Variants in DOCK7 observed in about 807,000 individuals in gnomAD.
The protein encoded by DOCK7 is dedicator of cytokinesis 7.
Under a neutral mutation model 271.0 loss-of-function variants are expected in DOCK7, and 138 were observed. That is an observed-to-expected ratio of 0.51 (90% CI 0.44 to 0.59). The LOEUF (loss-of-function observed/expected upper bound fraction) is 0.59, where lower values mean the gene tolerates loss of function less well. Among genes scored for constraint, DOCK7 ranks in the 20% least tolerant of loss-of-function variants. The probability of loss-of-function intolerance (pLI) is 0.00; values close to 1 mark genes in which losing one functional copy is unlikely to be tolerated. For missense variants in DOCK7, 2,066 were observed against 2,592.4 expected (o/e 0.80, Z 4.41); for synonymous variants, 823 against 876.1 (o/e 0.94, Z 1.07).
intron 1 of DOCK7, among the ~76,000 whole-genome samples, chr1:62,667,863 C>A (rs1348377870): frequency 1.3e-5 from 2 of 151,726 alleles, no homozygotes; most frequent in Non-Finnish European, 2.9e-5. Flanking sequence ...ACGAAAAATA[C>A]AAAAAAATTA....
intron 49 of DOCK7, 107 bp from the exon 50 acceptor site, chr1:62,455,563 C>T: frequency 3.9e-6 from 4 of 1,015,332 alleles, no homozygotes; most frequent in Non-Finnish European, 3.0e-6. Flanking sequence ...AGTTTTGCCA[C>T]CATTTCTTAC....
chr1:62,484,400 T>C (rs1159090766), intron 43 of DOCK7: 1 of 152,206 alleles, frequency 6.6e-6, no homozygotes, highest in East Asian at 1.9e-4. Context: ...ATGTTATCAC[T>C]GGGGATTGAT....
At position 62,526,806 on chromosome 1, in the gene DOCK7, G is replaced by C. The variant is rs187450547; in HGVS notation, c.3936+1345C>G. Among the ~76,000 whole-genome samples, 47 of 152,270 alleles carry C rather than the reference G, an allele frequency of 3.1e-4. 1 individual carries two copies. Among genetic ancestry groups the C allele is most frequent in the Non-Finnish European group, 5.1e-4 (35 of 68,014 alleles). On this transcript the variant is annotated intron_variant, in intron 31 of 49. Transcript: ENST00000635253. The stretch of plus-strand genomic sequence containing the variant: ...TGAACCTCAAAAACTTATGCTTAGT[G>C]AAAGAATACAAACACAAAAGATCAT...
At chr1:62,685,707 C>T (rs2149787582) in intron 1 of DOCK7, among the ~76,000 whole-genome samples, 1 of 152,310 alleles carries the variant, frequency 6.6e-6, no homozygotes, top group East Asian at 1.9e-4. Flanking sequence ...ATCATCATCT[C>T]CATCCCACTT....
intron 43 of DOCK7, 99 bp downstream of exon 43, chr1:62,487,299 C>A: frequency 8.5e-7 from 1 of 1,182,352 alleles, no homozygotes; most frequent in Non-Finnish European, 1.2e-6. Flanking sequence ...CAGATAGCAA[C>A]AGAATGCCCA....
intron 41 of DOCK7, chr1:62,492,287 A>C (rs1646489721): frequency 6.5e-6 from 1 of 155,030 alleles, no homozygotes; most frequent in Admixed American, 6.5e-5. Flanking sequence ...AATAAAAAAC[A>C]ATTTTTTTTT....
At position 62,559,952 on chromosome 1, in the gene DOCK7, C is replaced by T. The variant is rs138833479; in HGVS notation, c.2200-732G>A. ...GTACATGTTAGGCAAAGGGTGCCTA[C>T]GTGACAAGTAAAAACCCTGGGAATT... On this transcript the variant is annotated intron_variant, in intron 19 of 49. Coordinates refer to ENST00000635253, the MANE Select transcript of DOCK7 (RefSeq NM_001367561.1). Among the ~76,000 whole-genome samples the T allele has an allele frequency of 3.9e-3, 591 of 152,196 alleles. 7 individuals carry two copies. Among genetic ancestry groups the T allele is most frequent in the African/African-American group, 0.013 (534 of 41,522 alleles).
intron 14 of DOCK7, chr1:62,597,920 T>C (rs761064945): frequency 6.4e-7 from 1 of 1,553,914 alleles, no homozygotes; most frequent in Non-Finnish European, 8.6e-7. Context: ...ATATGTCACT[T>C]GAACTCAACT....
At chr1:62,512,275 C>CA (rs1238849983) in intron 33 of DOCK7, among the ~76,000 whole-genome samples, 1 of 152,158 alleles carries the variant, frequency 6.6e-6, no homozygotes, top group Non-Finnish European at 1.5e-5. Context: ...CACAGATGAC[C>CA]AACCCATGGC....
Position 62,554,447 on chromosome 1 carries a change from G to C in DOCK7, c.2596+1378C>G, listed in dbSNP as rs941040863. ...ATATTGCGCCATTGCACTCCAGCCT[G>C]GGCAACAGAGTGAGACTCCATCTCA... is the stretch of plus-strand genomic sequence containing the variant. On this transcript the variant is annotated intron_variant, in intron 21 of 49. Transcript: ENST00000635253. Among the ~76,000 whole-genome samples the C allele has an allele frequency of 6.4e-5, 8 of 124,062 alleles. No individual in the cohort carries two copies. In the Admixed American group the frequency reaches 8.3e-4, roughly 13 times the overall value. 81.4% of individuals were successfully genotyped at this position (124,062 alleles called of 152,430 possible).
At chr1:62,618,946 T>A in intron 13 of DOCK7, 78 bp from the exon 14 acceptor site, 2 of 1,361,548 alleles carry the variant, frequency 1.5e-6, no homozygotes, top group Non-Finnish European at 1.0e-6. Context: ...AGGACTTGGA[T>A]CCTATTTTTG....
rs1376126068 is a variant in DOCK7 at position 62,636,526 on chromosome 1, TATA to T, written c.885+8_885+10del. 1 of 1,582,930 alleles carries T rather than the reference TATA, an allele frequency of 6.3e-7. No individual in the cohort carries two copies. Among genetic ancestry groups the T allele is most frequent in the Non-Finnish European group, 8.6e-7 (1 of 1,160,324 alleles). On this transcript the variant is annotated splice_region_variant and intron_variant, in intron 8 of 49. Transcript: ENST00000635253. ...ATGACAAATAACTATGGTCAAATTA[TATA>T]ATCTTACCTTTTTCTTTTCCTTGAC...
intron 14 of DOCK7, among the ~76,000 whole-genome samples, chr1:62,589,815 G>A (rs1044866826): frequency 6.6e-6 from 1 of 150,800 alleles, no homozygotes; most frequent in Admixed American, 6.6e-5. Context: ...CCGGTAGGCG[G>A]AGCTTGCAGT....
Position 62,688,296 on chromosome 1 carries a change from G to A in DOCK7, c.-32C>T, listed in dbSNP as rs1557915620. 2 of 1,231,464 alleles carry A rather than the reference G, an allele frequency of 1.6e-6. No individual in the cohort carries two copies. Among genetic ancestry groups the A allele is most frequent in the Non-Finnish European group, 1.0e-6 (1 of 982,774 alleles). The allele number at this position is 1,231,464 out of a possible 1,614,324, so 76.3% of individuals were successfully genotyped here. A position where few individuals can be genotyped will look rare whatever the true frequency, so the allele number is the denominator to read the frequency against. On this transcript the variant is annotated 5_prime_UTR_variant, in exon 1 of 50. Coordinates refer to ENST00000635253, the MANE Select transcript of DOCK7 (RefSeq NM_001367561.1). ...TGCGGCGACGGCGACGGCGGCGGCG[G>A]CTGCGGCGGGCCGGGTGCGGACCGG... is the stretch of plus-strand genomic sequence containing the variant.
chr1:62,561,786 TGA>T (rs906501897), intron 18 of DOCK7, 83 bp from the exon 19 acceptor site: 17 of 720,924 alleles, frequency 2.4e-5, no homozygotes, highest in Middle Eastern at 5.5e-4. Context: ...AATATCCCAA[TGA>T]GAAAAATATT....
intron 22 of DOCK7, among the ~76,000 whole-genome samples, chr1:62,551,902 C>T (rs1645919945): frequency 6.6e-6 from 1 of 151,396 alleles, no homozygotes; most frequent in African/African-American, 2.4e-5. Flanking sequence ...TGTTCTAAAT[C>T]TTGAGTTTAT....
In DOCK7 at chr1:62,543,701, C is replaced by G. The variant is rs370940626; in HGVS notation, c.2904G>C (p.Thr968=). The change falls in exon 24 of 50, where the codon ACG becomes ACC. Residue 968 remains threonine (T), a synonymous_variant. Coordinates refer to ENST00000635253, the MANE Select transcript of DOCK7 (RefSeq NM_001367561.1). ...CCGTTAATGTTTGTAAGAAACTTGA[C>G]GTCTCTGTGTGCGAAGACATACGAT... ...SCNRMSSHTE[T]SSFLQTLTGR... 6.2e-7 allele frequency: 1 copy of G among 1,604,476 alleles called. No homozygotes were observed. The highest frequency in any genetic ancestry group is 1.3e-5 in the African/African-American group (1 of 74,900).
chr1:62,496,296 C>G (rs80077895), intron 38 of DOCK7, 43 bp downstream of exon 38: 1 of 1,588,692 alleles, frequency 6.3e-7, no homozygotes, highest in South Asian at 1.2e-5. Context: ...GCCTATTTAA[C>G]AAGCCTATTT....
chr1:62,509,682 T>C (rs1261782676), intron 34 of DOCK7, among the ~76,000 whole-genome samples: 1 of 152,170 alleles, frequency 6.6e-6, no homozygotes, highest in African/African-American at 2.4e-5. Context: ...ACATTCAATA[T>C]CTGATTATTT....
Sources: gnomAD v4.1 joint callset for allele counts (sites outside exome capture counted in the v4.1 genomes callset) on GRCh38, gnomAD v4.1.1 for gene constraint, MANE v1.5 for transcripts, NCBI Gene and HGNC (gene_info 2026-07-23, HGNC 2026-07-21) for gene names.